Variants in ZFPM2 observed in about 807,000 individuals in gnomAD.
ZFPM2 encodes zinc finger protein, FOG family member 2.
ZFPM2 carries 20 observed loss-of-function variants against 98.6 expected under a neutral mutation model. The ratio of observed to expected loss-of-function variants is 0.20; its 90% CI spans 0.14 to 0.29. The LOEUF (loss-of-function observed/expected upper bound fraction) is 0.29. Ranked by LOEUF, ZFPM2 falls within the 10% of genes least tolerant of loss-of-function variation. The pLI is 1.00. For missense variants in ZFPM2, 1,310 were observed against 1,388.6 expected, an observed-to-expected ratio of 0.94 and a Z score of 0.90; for synonymous variants, 518 against 502.7, an observed-to-expected ratio of 1.03 and a Z score of -0.41.
At chr8:105,613,293 G>T (rs1287145352) in intron 4 of ZFPM2, among the ~76,000 whole-genome samples, 1 of 151,966 alleles carries the variant, frequency 6.6e-6, no homozygotes, top group Admixed American at 6.6e-5. Flanking sequence ...GAATAGACAG[G>T]GAAGAAGACG....
Position 105,784,808 on chromosome 8 carries a change from A to C in ZFPM2, c.533-3910A>C, listed in dbSNP as rs143087211. 2.8e-5 allele frequency: 4 copies of C among 145,284 alleles called. 1 individual carries two copies. Among genetic ancestry groups the C allele is most frequent in the African/African-American group, 8.6e-5 (3 of 34,950 alleles). The allele number at this position is 145,284 out of a possible 1,614,324, so 9.0% of individuals were successfully genotyped here. On this transcript the variant is annotated intron_variant, in intron 5 of 7. Transcript: ENST00000407775. ...CCAAACATCCGCCAAGAGTGATCAC[A>C]CTCTGAAAATTTTATTAGCATCAGT...
chr8:105,691,841 C>T (rs1218846512), intron 5 of ZFPM2, among the ~76,000 whole-genome samples: 1 of 152,084 alleles, frequency 6.6e-6, no homozygotes, highest in Non-Finnish European at 1.5e-5. Context: ...ACTATGCGCT[C>T]CTTTAGAGTT....
chr8:105,669,536 A>ATGTGTGTG (rs71305176), intron 5 of ZFPM2, among the ~76,000 whole-genome samples: 13 of 139,150 alleles, frequency 9.3e-5, no homozygotes, highest in African/African-American at 2.2e-4. Flanking sequence ...GAAAGTGTGC[A>ATGTGTGTG]TGTGTGTGTG....
intron 4 of ZFPM2, 101 bp downstream of exon 4, chr8:105,561,582 A>G: frequency 1.0e-6 from 1 of 968,244 alleles, no homozygotes; most frequent in Non-Finnish European, 1.5e-6. Flanking sequence ...GAAATCACTA[A>G]AAATAACCAT....
intron 1 of ZFPM2, 108 bp downstream of exon 1, chr8:105,319,089 C>G (rs887073971): frequency 7.7e-7 from 1 of 1,301,364 alleles, no homozygotes; most frequent in Non-Finnish European, 1.0e-6. Flanking sequence ...GATCCGCTCC[C>G]GGTCCCCTAG....
At chr8:105,392,280 G>T (rs574843693) in intron 1 of ZFPM2, among the ~76,000 whole-genome samples, 1 of 152,024 alleles carries the variant, frequency 6.6e-6, no homozygotes, top group Admixed American at 6.6e-5. Context: ...CACATAGAAA[G>T]GTTAACAAAA....
intron 4 of ZFPM2, among the ~76,000 whole-genome samples, chr8:105,578,513 C>T (rs547703920): frequency 2.6e-5 from 4 of 152,196 alleles, no homozygotes; most frequent in South Asian, 4.1e-4. Flanking sequence ...TTAAAAGTTT[C>T]TCAGTAATTT....
chr8:105,540,592 A>T (rs1352263768), intron 3 of ZFPM2, among the ~76,000 whole-genome samples: 3 of 152,118 alleles, frequency 2.0e-5, no homozygotes, highest in African/African-American at 7.2e-5. Flanking sequence ...AGTTTATTGG[A>T]TTTAATCCTC....
chr8:105,463,624 A>G (rs771865840), intron 3 of ZFPM2, among the ~76,000 whole-genome samples: 5 of 152,038 alleles, frequency 3.3e-5, no homozygotes, highest in Non-Finnish European at 7.4e-5. Context: ...TAACTGCAAA[A>G]TCTCATGATT....
chr8:105,734,482 A>G (rs1010750730), intron 5 of ZFPM2, among the ~76,000 whole-genome samples: 6 of 151,936 alleles, frequency 3.9e-5, no homozygotes, highest in African/African-American at 1.4e-4. Flanking sequence ...TCTGCAGAGA[A>G]ATATTCAGAT....
intron 5 of ZFPM2, among the ~76,000 whole-genome samples, chr8:105,763,236 C>A (rs1812774083): frequency 6.6e-6 from 1 of 151,708 alleles, no homozygotes; most frequent in South Asian, 2.1e-4. Flanking sequence ...AGATTTCTAG[C>A]ATACAGAATA....
chr8:105,493,254 C>T (rs1009292239), intron 3 of ZFPM2, among the ~76,000 whole-genome samples: 7 of 152,132 alleles, frequency 4.6e-5, no homozygotes, highest in Admixed American at 6.6e-5. Flanking sequence ...TTTCAGCACC[C>T]CCAAGTGTAA....
intron 5 of ZFPM2, among the ~76,000 whole-genome samples, chr8:105,711,905 T>TTA (rs899695864): frequency 1.3e-5 from 2 of 152,208 alleles, no homozygotes; most frequent in Non-Finnish European, 2.9e-5. Context: ...TTCTATGGTT[T>TTA]TATATATATC....
At chr8:105,779,348 A>G (rs1239200700) in intron 5 of ZFPM2, among the ~76,000 whole-genome samples, 4 of 152,218 alleles carry the variant, frequency 2.6e-5, no homozygotes, top group African/African-American at 9.6e-5. Context: ...CTAGAGGTTT[A>G]CAGCTTCACA....
intron 4 of ZFPM2, among the ~76,000 whole-genome samples, chr8:105,572,033 C>CT (rs869198147): frequency 0.12 from 12,835 of 103,150 alleles, 1,135 homozygotes; most frequent in South Asian, 0.19. Flanking sequence ...GGGTAAATTT[C>CT]TTTTTTTTTT....
intron 1 of ZFPM2, among the ~76,000 whole-genome samples, chr8:105,347,352 A>G (rs1812558616): frequency 6.6e-6 from 1 of 152,192 alleles, no homozygotes; most frequent in Non-Finnish European, 1.5e-5. Context: ...GATTTAGCTT[A>G]GGGTTGGTAT....
At position 105,517,563 on chromosome 8, in the gene ZFPM2, C is replaced by G. The variant is rs140334411; in HGVS notation, c.302-43800C>G. The stretch of plus-strand genomic sequence containing the variant: ...TTGTGGTGAGAATACTTAAGATCTA[C>G]TCTTGGCTGGATGCAATGGTTCACG... On this transcript the variant is annotated intron_variant, in intron 3 of 7. Coordinates refer to ENST00000407775, the MANE Select transcript of ZFPM2 (RefSeq NM_012082.4). Among the ~76,000 whole-genome samples the G allele has an allele frequency of 4.2e-3, 643 of 152,022 alleles. 5 individuals are homozygous for G. The highest frequency in any genetic ancestry group is 0.015 in the African/African-American group (608 of 41,476).
chr8:105,610,879 C>A (rs558414009), intron 4 of ZFPM2, among the ~76,000 whole-genome samples: 1 of 152,298 alleles, frequency 6.6e-6, no homozygotes, highest in South Asian at 2.1e-4. Context: ...TCTGGAGCAG[C>A]TGCTGCCAAT....
At chr8:105,532,111 A>C (rs1180445918) in intron 3 of ZFPM2, among the ~76,000 whole-genome samples, 1 of 152,072 alleles carries the variant, frequency 6.6e-6, no homozygotes, top group Non-Finnish European at 1.5e-5. Context: ...CATGTTGCCC[A>C]GGCTTGTCTT....
Sources: gnomAD v4.1 joint callset for allele counts (sites outside exome capture counted in the v4.1 genomes callset) on GRCh38, gnomAD v4.1.1 for gene constraint, MANE v1.5 for transcripts, NCBI Gene and HGNC (gene_info 2026-07-23, HGNC 2026-07-21) for gene names.